Variants in AGXT2 observed in about 807,000 individuals in gnomAD.
AGXT2 encodes alanine--glyoxylate aminotransferase 2.
AGXT2 carries 61 observed loss-of-function variants against 62.5 expected under a neutral mutation model. The observed-to-expected ratio is 0.98, with a 90% CI of 0.79 to 1.21. AGXT2 has a LOEUF of 1.21. Ranked by LOEUF, AGXT2 falls within the 50% of genes most tolerant of loss-of-function variation. AGXT2 has a pLI of 0.00. For missense variants in AGXT2, 666 were observed against 641.5 expected (o/e 1.04, Z -0.41); for synonymous variants, 243 against 218.7 (o/e 1.11, Z -0.98).
intron 7 of AGXT2, among the ~76,000 whole-genome samples, chr5:35,030,073 T>C (rs371054972): frequency 2.0e-4 from 30 of 152,344 alleles, no homozygotes; most frequent in African/African-American, 6.7e-4. Flanking sequence ...TTTGTAAACA[T>C]ATATGAATAT....
At chr5:35,025,914 TAA>T in intron 8 of AGXT2, 59 bp from the exon 9 acceptor site, 1 of 1,461,962 alleles carries the variant, frequency 6.8e-7, no homozygotes, top group Non-Finnish European at 9.6e-7. Flanking sequence ...TCAAAGTATA[TAA>T]AAAAGTTAGA....
intron 7 of AGXT2, among the ~76,000 whole-genome samples, chr5:35,030,272 C>T (rs2112256754): frequency 6.6e-6 from 1 of 152,260 alleles, no homozygotes; most frequent in African/African-American, 2.4e-5. Context: ...CTTTGGGAGG[C>T]CAAGGCGAGC....
intron 12 of AGXT2, among the ~76,000 whole-genome samples, chr5:35,006,559 C>T (rs1027183511): frequency 1.3e-5 from 2 of 152,028 alleles, no homozygotes; most frequent in African/African-American, 4.8e-5. Context: ...CAGATGAAGT[C>T]ACTCGTCACC....
intron 10 of AGXT2, among the ~76,000 whole-genome samples, chr5:35,013,555 G>T (rs1354636809): frequency 6.6e-6 from 1 of 152,190 alleles, no homozygotes; most frequent in African/African-American, 2.4e-5. Flanking sequence ...GGAGGCCAAG[G>T]TCAAACACCT....
At chr5:35,019,552 A>G (rs954340582) in intron 9 of AGXT2, among the ~76,000 whole-genome samples, 1 of 152,220 alleles carries the variant, frequency 6.6e-6, no homozygotes, top group African/African-American at 2.4e-5. Flanking sequence ...ACATACCAGA[A>G]TCTCTGGGAC....
chr5:35,037,271 AGAGCAGGGTTC>A, intron 3 of AGXT2, among the ~76,000 whole-genome samples: 2 of 152,350 alleles, frequency 1.3e-5, no homozygotes, highest in South Asian at 4.1e-4. Flanking sequence ...TTCCTCTCCA[AGAGCAGGGTTC>A]AAAAGGAGAC....
intron 6 of AGXT2, chr5:35,033,069 G>A: frequency 1.9e-6 from 1 of 527,936 alleles, no homozygotes. Context: ...GCTCAAGGGT[G>A]CAGTGGGTAA....
intron 11 of AGXT2, 45 bp downstream of exon 11, chr5:35,012,909 G>A (rs1336645836): frequency 1.3e-6 from 2 of 1,502,408 alleles, no homozygotes; most frequent in East Asian, 2.5e-5. Context: ...TTTTGAAAGA[G>A]TCATTTGTGA....
At chr5:35,009,331 C>T (rs549921204) in intron 12 of AGXT2, among the ~76,000 whole-genome samples, 8 of 152,076 alleles carry the variant, frequency 5.3e-5, no homozygotes, top group Non-Finnish European at 8.8e-5. Context: ...CTTGGTGGCT[C>T]ATGCCTGTAA....
At position 35,002,563 on chromosome 5, in the gene AGXT2, A is replaced by G. The variant is rs1766267656; in HGVS notation, c.1437+1200T>C. On this transcript the variant is annotated intron_variant, in intron 13 of 13. Coordinates refer to ENST00000231420, the MANE Select transcript of AGXT2 (RefSeq NM_031900.4). ...GGAGCCTTTGGGAAGTGATTAGCTC[A>G]GGAGGGCAAAGCCCATGAAGGCCCA... Among the ~76,000 whole-genome samples, 4 of 152,204 alleles carry G rather than the reference A, an allele frequency of 2.6e-5. No homozygotes were observed. The South Asian group carries it at 8.3e-4, about 31-fold the overall frequency.
At chr5:35,019,577 G>A (rs1261959208) in intron 9 of AGXT2, among the ~76,000 whole-genome samples, 14 of 152,318 alleles carry the variant, frequency 9.2e-5, no homozygotes, top group Middle Eastern at 3.4e-3. Flanking sequence ...TCAAAGCAGT[G>A]TGTAGAGGGA....
chr5:35,027,177 T>C (rs1024772143), intron 7 of AGXT2: 1 of 191,850 alleles, frequency 5.2e-6, no homozygotes, highest in Non-Finnish European at 9.6e-6. Flanking sequence ...GGCAAGCTGT[T>C]TGGTACACTG....
intron 4 of AGXT2, among the ~76,000 whole-genome samples, chr5:35,036,348 T>C (rs1767769846): frequency 6.6e-6 from 1 of 152,224 alleles, no homozygotes; most frequent in African/African-American, 2.4e-5. Flanking sequence ...TTCTAGGTTC[T>C]TCACATGTAT....
chr5:35,026,832 G>A (rs1280484132), intron 7 of AGXT2: 1 of 984,618 alleles, frequency 1.0e-6, no homozygotes, highest in African/African-American at 1.7e-5. Context: ...TTTCACCTAA[G>A]GATGCCCGTC....
At chr5:35,026,594 G>GAAA (rs61293163) in intron 7 of AGXT2, 84 bp from the exon 8 acceptor site, 31 of 903,090 alleles carry the variant, frequency 3.4e-5, no homozygotes, top group African/African-American at 1.8e-4. Flanking sequence ...GGAAAAACAG[G>GAAA]AAAAAAAAAA....
intron 9 of AGXT2, among the ~76,000 whole-genome samples, chr5:35,025,208 T>C (rs1767284157): frequency 6.6e-6 from 1 of 152,026 alleles, no homozygotes; most frequent in Non-Finnish European, 1.5e-5. Flanking sequence ...AAACCCTGTC[T>C]TTACTAAAAA....
intron 1 of AGXT2, among the ~76,000 whole-genome samples, chr5:35,041,383 T>A (rs570023078): frequency 6.6e-6 from 1 of 151,910 alleles, no homozygotes; most frequent in East Asian, 1.9e-4. Context: ...CAGCGTAAAG[T>A]GGTAAATTAA....
chr5:35,033,683 C>G (rs868239316), intron 5 of AGXT2, 130 bp from the exon 6 acceptor site: 1 of 720,412 alleles, frequency 1.4e-6, no homozygotes, highest in Non-Finnish European at 2.5e-6. Context: ...TTTCTAAGAA[C>G]GCATCTAAGC....
At chr5:35,022,877 A>G (rs950838855) in intron 9 of AGXT2, among the ~76,000 whole-genome samples, 7 of 151,912 alleles carry the variant, frequency 4.6e-5, no homozygotes, top group African/African-American at 1.7e-4. Flanking sequence ...TTTTTCTTCT[A>G]CATTTTTCTA....
Sources: allele counts gnomAD v4.1 joint callset (sites outside exome capture counted in the v4.1 genomes callset), GRCh38; gene constraint gnomAD v4.1.1; transcripts MANE v1.5; gene names NCBI Gene and HGNC (gene_info 2026-07-23, HGNC 2026-07-21).